The following FIGN variants were observed in gnomAD, a reference collection of about 807,000 sequenced individuals.
FIGN encodes fidgetin, microtubule severing factor, also known as fidgetin.
A neutral mutation model predicts 51.3 loss-of-function variants in FIGN; 11 were observed. The ratio of observed to expected loss-of-function variants is 0.21; its 90% CI spans 0.13 to 0.35. The LOEUF is 0.35. FIGN is among the 10% of genes least tolerant of loss of function. The pLI, the probability that FIGN is intolerant of heterozygous loss-of-function variation, is 1.00. For missense variants in FIGN, 857 were observed against 943.6 expected, an observed-to-expected ratio of 0.91 and a Z score of 1.20; for synonymous variants, 407 against 363.2, an observed-to-expected ratio of 1.12 and a Z score of -1.37.
Position 163,611,259 on chromosome 2 carries a change from T to C in FIGN, c.573A>G (p.Gly191=), listed in dbSNP as rs1691251050. The C allele has an allele frequency of 1.9e-6, 3 of 1,614,056 alleles. No individual in the cohort carries two copies. Among genetic ancestry groups the C allele is most frequent in the Non-Finnish European group, 2.5e-6 (3 of 1,180,000 alleles). The stretch of plus-strand genomic sequence containing the variant: ...TACTATAAGTAGAATGCAAATATGA[T>C]CCGTTGTATCCTGGGGCATATTCCT... The part of the protein sequence containing the change: ...PSQEYAPGYN[G]SYLHSTYSSQ... The change falls in exon 3 of 3, where the codon GGA becomes GGG. Residue 191 remains glycine, a synonymous_variant. Coordinates refer to ENST00000333129, the MANE Select transcript of FIGN (RefSeq NM_018086.4).
Position 163,609,472 on chromosome 2 carries a change from A to C in FIGN, c.*80T>G. The C allele has an allele frequency of 8.1e-7, 1 of 1,236,422 alleles. No homozygotes were observed. The highest frequency in any genetic ancestry group is 2.3e-5 in the East Asian group (1 of 42,588). 76.6% of individuals were successfully genotyped at this position (1,236,422 alleles called of 1,614,324 possible). On this transcript the variant is annotated 3_prime_UTR_variant, in exon 3 of 3. Transcript: ENST00000333129. ...CCCTTTGCAATTTAAACTCTACTGG[A>C]AAGGGGCTCTATTCCCTATGTAGCA...
At chr2:163,629,054 G>C (rs1439459643) in intron 2 of FIGN, among the ~76,000 whole-genome samples, 1 of 152,144 alleles carries the variant, frequency 6.6e-6, no homozygotes, top group Non-Finnish European at 1.5e-5. Context: ...GCTTTACAAG[G>C]AGGTTTGGGA....
intron 2 of FIGN, among the ~76,000 whole-genome samples, chr2:163,629,701 G>A (rs1683114209): frequency 6.6e-6 from 1 of 152,084 alleles, no homozygotes; most frequent in African/African-American, 2.4e-5. Context: ...AAGTAGAGAT[G>A]AATAGTTGTG....
At chr2:163,734,285 TG>T (rs1329520995) in intron 2 of FIGN, among the ~76,000 whole-genome samples, 4 of 151,948 alleles carry the variant, frequency 2.6e-5, no homozygotes, top group Non-Finnish European at 5.9e-5. Flanking sequence ...TCAAGGACTT[TG>T]GACAATCAAA....
chr2:163,710,207 A>G (rs113064597), intron 2 of FIGN, among the ~76,000 whole-genome samples: 7 of 152,310 alleles, frequency 4.6e-5, no homozygotes, highest in Non-Finnish European at 7.4e-5. Context: ...TCAATGAGCT[A>G]CTTCCTTTAT....
intron 2 of FIGN, among the ~76,000 whole-genome samples, chr2:163,691,444 A>T (rs770736391): frequency 3.3e-5 from 5 of 152,132 alleles, no homozygotes; most frequent in Non-Finnish European, 7.4e-5. Context: ...CTCATTTTTA[A>T]CCAATCTAGT....
At position 163,603,172 on chromosome 2, in the gene FIGN, T is replaced by C. The variant is rs996761974; in HGVS notation, c.*6380A>G. 2.0e-5 allele frequency: 3 copies of C among 152,156 alleles called. No individual in the cohort carries two copies. Among genetic ancestry groups the C allele is most frequent in the Non-Finnish European group, 4.4e-5 (3 of 67,998 alleles). The allele number at this position is 152,156 out of a possible 1,614,324, so 9.4% of individuals were successfully genotyped here. On this transcript the variant is annotated 3_prime_UTR_variant, in exon 3 of 3. Coordinates refer to ENST00000333129, the MANE Select transcript of FIGN (RefSeq NM_018086.4). ...ATTTTTTTCCAAGAGAAATGGATTG[T>C]TTCATTTTTAATGAGTGCAATAATA...
chr2:163,634,272 T>G (rs1683193191), intron 2 of FIGN, among the ~76,000 whole-genome samples: 1 of 152,168 alleles, frequency 6.6e-6, no homozygotes, highest in South Asian at 2.1e-4. Flanking sequence ...TTCAAGTCAT[T>G]TTTCATGCCA....
At chr2:163,645,550 A>T (rs2105318823) in intron 2 of FIGN, among the ~76,000 whole-genome samples, 1 of 152,278 alleles carries the variant, frequency 6.6e-6, no homozygotes, top group Non-Finnish European at 1.5e-5. Context: ...CCTAACTCTC[A>T]CGCCCAGGCC....
chr2:163,612,751 T>TCATCTTC (rs1682783106), intron 2 of FIGN, among the ~76,000 whole-genome samples: 1 of 41,322 alleles, frequency 2.4e-5, no homozygotes, highest in Non-Finnish European at 3.9e-5. Context: ...TACATCTTCA[T>TCATCTTC]ATATATATAT....
rs1372273939 is a variant in FIGN, at chr2:163,610,586, T to A, written c.1246A>T (p.Ser416Cys). ...TAKNSLGSRSSESFGKYTSPV... is the reference protein window; with the variant it reads ...TAKNSLGSRSCESFGKYTSPV... The stretch of plus-strand genomic sequence containing the variant: ...GATGTGTACTTCCCAAAGGATTCAC[T>A]GGATCTTGATCCCAATGAATTTTTA... Residue 416 changes from serine to cysteine, a missense_variant, in exon 3 of 3, where the codon AGT (serine) becomes TGT (cysteine). This residue lies in a region of FIGN where 799 missense variants were observed against 849.5 expected (regional missense o/e 0.94). Transcript: ENST00000333129. The A allele has an allele frequency of 6.2e-7, 1 of 1,614,180 alleles. No individual in the cohort carries two copies. Among genetic ancestry groups the A allele is most frequent in the Admixed American group, 1.7e-5 (1 of 60,020 alleles).
At chr2:163,728,164 G>T (rs950532737) in intron 2 of FIGN, among the ~76,000 whole-genome samples, 3 of 151,614 alleles carry the variant, frequency 2.0e-5, no homozygotes, top group Non-Finnish European at 4.4e-5. Flanking sequence ...GTTATTTGGG[G>T]GTCTGCCCCC....
At chr2:163,680,597 T>G (rs920979565) in intron 2 of FIGN, among the ~76,000 whole-genome samples, 3 of 152,130 alleles carry the variant, frequency 2.0e-5, no homozygotes, top group Non-Finnish European at 4.4e-5. Flanking sequence ...CTTCCATCCT[T>G]TTGTTCATGC....
intron 2 of FIGN, among the ~76,000 whole-genome samples, chr2:163,612,856 T>C (rs1182334848): frequency 6.6e-6 from 1 of 151,774 alleles, no homozygotes; most frequent in African/African-American, 2.4e-5. Flanking sequence ...TTCTGGATTC[T>C]AACTCTTTCA....
In FIGN at chr2:163,695,845, C is replaced by G. The variant is rs539701649; in HGVS notation, c.25+39058G>C. ...TAGCACGGCCAGGCACATTGGCTCACGCCTGTAATTCCAGCACTTTGGGAG... is the reference window on the plus strand; with the variant it reads ...TAGCACGGCCAGGCACATTGGCTCAGGCCTGTAATTCCAGCACTTTGGGAG... On this transcript the variant is annotated intron_variant, in intron 2 of 2. Coordinates refer to ENST00000333129, the MANE Select transcript of FIGN (RefSeq NM_018086.4). Among the ~76,000 whole-genome samples the G allele has an allele frequency of 5.9e-5, 9 of 152,274 alleles. 1 individual carries two copies. The South Asian group carries it at 1.9e-3, about 32-fold the overall frequency.
chr2:163,694,346 A>G (rs1684284411), intron 2 of FIGN, among the ~76,000 whole-genome samples: 1 of 152,196 alleles, frequency 6.6e-6, no homozygotes, highest in African/African-American at 2.4e-5. Flanking sequence ...AATGTGTACT[A>G]TAACCTCCTC....
intron 2 of FIGN, among the ~76,000 whole-genome samples, chr2:163,734,008 A>G (rs1684972660): frequency 6.6e-6 from 1 of 151,396 alleles, no homozygotes; most frequent in Admixed American, 6.6e-5. Flanking sequence ...ATACTTTAAC[A>G]TCTTTTTGTT....
chr2:163,697,442 G>A (rs1421940665), intron 2 of FIGN, among the ~76,000 whole-genome samples: 1 of 152,010 alleles, frequency 6.6e-6, no homozygotes, highest in East Asian at 1.9e-4. Context: ...CCCCAACCCG[G>A]AGTCACACCA....
At chr2:163,655,603 A>G (rs1683546179) in intron 2 of FIGN, among the ~76,000 whole-genome samples, 1 of 152,138 alleles carries the variant, frequency 6.6e-6, no homozygotes, top group African/African-American at 2.4e-5. Flanking sequence ...ATGAGTGATT[A>G]ATCTGTTTTC....
Sources: gnomAD v4.1 joint callset for allele counts (sites outside exome capture counted in the v4.1 genomes callset) on GRCh38, gnomAD v4.1.1 for gene constraint, gnomAD v4.1.1 regional missense constraint, MANE v1.5 for transcripts, NCBI Gene and HGNC (gene_info 2026-07-23, HGNC 2026-07-21) for gene names.